Variants in SYT14 observed in about 807,000 individuals in gnomAD.
SYT14 encodes the protein synaptotagmin-14.
SYT14 carries 32 observed loss-of-function variants against 74.2 expected under a neutral mutation model. The observed-to-expected ratio is 0.43, with a 90% CI of 0.33 to 0.58. The LOEUF (loss-of-function observed/expected upper bound fraction) is 0.58. Ranked by LOEUF, SYT14 falls within the 20% of genes least tolerant of loss-of-function variation. SYT14 has a pLI of 0.05. For missense variants in SYT14, 791 were observed against 981.8 expected, an observed-to-expected ratio of 0.81 and a Z score of 2.60; for synonymous variants, 298 against 337.7, an observed-to-expected ratio of 0.88 and a Z score of 1.29.
Position 210,144,921 on chromosome 1 carries a change from G to A in SYT14, c.2035-10800G>A, listed in dbSNP as rs370173046. 4.6e-5 allele frequency among the ~76,000 whole-genome samples: 7 copies of A among 151,610 alleles called. No individual in the cohort carries two copies. The East Asian group carries it at 1.2e-3, about 27-fold the overall frequency. On this transcript the variant is annotated intron_variant, in intron 7 of 9. Transcript: ENST00000637265. ...AAATGTGAGAGCATTTCTGGGATAC[G>A]GAGTCTTTAGCAACCCAATATGTGT...
chr1:209,993,437 G>A (rs2079729600), intron 2 of SYT14, among the ~76,000 whole-genome samples: 1 of 152,172 alleles, frequency 6.6e-6, no homozygotes, highest in Admixed American at 6.5e-5. Context: ...ACCCCAAGCT[G>A]CGGGACATCT....
intron 7 of SYT14, among the ~76,000 whole-genome samples, chr1:210,146,871 A>AG (rs1419980908): frequency 6.6e-6 from 1 of 151,722 alleles, no homozygotes; most frequent in Non-Finnish European, 1.5e-5. Flanking sequence ...ATATGTATGT[A>AG]GTATATATGG....
rs535356247 is a variant in SYT14, at chr1:210,143,641, T to C, written c.2035-12080T>C. ...TTGACTTAAGTGAAGACTCAAAATA[T>C]TTTGGAGAAACTGGGTCGGCAGGGG... is the stretch of plus-strand genomic sequence containing the variant. On this transcript the variant is annotated intron_variant, in intron 7 of 9. Coordinates refer to ENST00000637265, the Ensembl canonical transcript of SYT14. Among the ~76,000 whole-genome samples the C allele has an allele frequency of 4.2e-4, 64 of 152,240 alleles. 1 individual carries two copies. In the South Asian group the frequency reaches 8.9e-3, roughly 21 times the overall value.
At chr1:210,119,824 A>G (rs1002967216) in intron 7 of SYT14, among the ~76,000 whole-genome samples, 3 of 152,210 alleles carry the variant, frequency 2.0e-5, no homozygotes, top group Non-Finnish European at 4.4e-5. Flanking sequence ...TACACATGTT[A>G]GAATTGAAAT....
chr1:210,168,350 C>T (rs942293217), exon 10 of SYT14: 2 of 152,100 alleles, frequency 1.3e-5, no homozygotes, highest in African/African-American at 4.8e-5. Context: ...GACCCTTCTT[C>T]ACCCTCTTCT....
At chr1:210,015,359 T>C (rs1032725824) in intron 3 of SYT14, among the ~76,000 whole-genome samples, 3 of 152,176 alleles carry the variant, frequency 2.0e-5, no homozygotes, top group Non-Finnish European at 4.4e-5. Flanking sequence ...CTCAGGGAAC[T>C]TAATTTTTCT....
At chr1:209,980,966 T>C (rs2079473181) in intron 2 of SYT14, among the ~76,000 whole-genome samples, 1 of 152,224 alleles carries the variant, frequency 6.6e-6, no homozygotes, top group African/African-American at 2.4e-5. Flanking sequence ...AAATAGTTTT[T>C]TTTCTAATTC....
At chr1:210,145,785 C>G (rs1209626678) in intron 7 of SYT14, among the ~76,000 whole-genome samples, 1 of 152,112 alleles carries the variant, frequency 6.6e-6, no homozygotes. Flanking sequence ...GTGAAATGCC[C>G]TTCCCTATGC....
chr1:210,092,165 T>C (rs1372206542), intron 5 of SYT14, among the ~76,000 whole-genome samples: 2 of 152,200 alleles, frequency 1.3e-5, no homozygotes, highest in African/African-American at 2.4e-5. Flanking sequence ...TTATAGTTTT[T>C]TTTCTTTTTC....
chr1:210,083,411 G>T (rs1017199610), intron 5 of SYT14, among the ~76,000 whole-genome samples: 35 of 152,158 alleles, frequency 2.3e-4, no homozygotes, highest in African/African-American at 8.0e-4. Context: ...AGGTGCAAAA[G>T]AAGATTATAT....
intron 2 of SYT14, among the ~76,000 whole-genome samples, chr1:209,973,317 C>T (rs558917503): frequency 3.9e-5 from 6 of 152,186 alleles, no homozygotes; most frequent in Admixed American, 3.3e-4. Context: ...CCCATTAACT[C>T]GTCATTTAAC....
intron 2 of SYT14, among the ~76,000 whole-genome samples, chr1:209,968,974 A>G (rs1365758074): frequency 6.6e-6 from 1 of 151,878 alleles, no homozygotes; most frequent in Non-Finnish European, 1.5e-5. Context: ...TTTAGCTCCC[A>G]CTTATAAGTG....
chr1:210,029,576 C>T (rs754980542), intron 5 of SYT14, among the ~76,000 whole-genome samples: 2 of 152,096 alleles, frequency 1.3e-5, no homozygotes, highest in Non-Finnish European at 2.9e-5. Flanking sequence ...ACCATATATG[C>T]AAGGTTTTAT....
intron 7 of SYT14, among the ~76,000 whole-genome samples, chr1:210,155,156 T>A: frequency 6.6e-6 from 1 of 152,222 alleles, no homozygotes; most frequent in East Asian, 1.9e-4. Flanking sequence ...TTTGTATACT[T>A]CTTCAATCTC....
At chr1:210,106,792 G>C (rs7519750) in intron 7 of SYT14, among the ~76,000 whole-genome samples, 101,421 of 151,836 alleles carry the variant, frequency 0.67, 34,882 homozygotes, top group East Asian at 0.85. Context: ...GGCCACCCCC[G>C]CAAATCTCAT....
At chr1:210,035,977 T>C (rs2080653099) in intron 5 of SYT14, among the ~76,000 whole-genome samples, 2 of 152,042 alleles carry the variant, frequency 1.3e-5, no homozygotes, top group African/African-American at 4.8e-5. Context: ...TTACACTGAA[T>C]CTATAGAACA....
At chr1:209,959,223 A>G (rs1249226221) in intron 2 of SYT14, among the ~76,000 whole-genome samples, 2 of 151,886 alleles carry the variant, frequency 1.3e-5, no homozygotes, top group Admixed American at 1.3e-4. Context: ...GCTCACTACA[A>G]CCTCCGCCTC....
At chr1:210,149,078 C>T (rs1325227824) in intron 7 of SYT14, among the ~76,000 whole-genome samples, 3 of 151,236 alleles carry the variant, frequency 2.0e-5, no homozygotes, top group African/African-American at 7.3e-5. Flanking sequence ...CACTTATAAG[C>T]GTATAGGCAG....
At chr1:210,093,701 C>G (rs1281084185) in intron 5 of SYT14, among the ~76,000 whole-genome samples, 1 of 152,018 alleles carries the variant, frequency 6.6e-6, no homozygotes, top group African/African-American at 2.4e-5. Flanking sequence ...GGAGAAGAGA[C>G]AGAACACAGC....
Sources: gnomAD v4.1 joint callset for allele counts (sites outside exome capture counted in the v4.1 genomes callset) on GRCh38, gnomAD v4.1.1 for gene constraint, MANE v1.5 for transcripts, NCBI Gene and HGNC (gene_info 2026-07-23, HGNC 2026-07-21) for gene names.